The following SINHCAF variants were observed in gnomAD, a reference collection of about 807,000 sequenced individuals.
SINHCAF encodes SIN3-HDAC complex associated factor, also known as SIN3-HDAC complex-associated factor.
A neutral mutation model predicts 25.8 loss-of-function variants in SINHCAF; 3 were observed. That is an observed-to-expected ratio of 0.12 (90% CI 0.05 to 0.30). SINHCAF has a LOEUF of 0.30. SINHCAF is among the 10% of genes least tolerant of loss of function. The probability of loss-of-function intolerance (pLI) is 1.00; values close to 1 mark genes in which losing one functional copy is unlikely to be tolerated. For missense variants in SINHCAF, 121 were observed against 262.3 expected (o/e 0.46, Z 3.72); for synonymous variants, 70 against 85.5 (o/e 0.82, Z 1.00).
chr12:31,311,198 T>A (rs1168687795), intron 1 of SINHCAF, among the ~76,000 whole-genome samples: 4 of 152,178 alleles, frequency 2.6e-5, no homozygotes, highest in African/African-American at 9.7e-5. Context: ...AAGCTGCTCA[T>A]ACCCACGCGT....
intron 1 of SINHCAF, among the ~76,000 whole-genome samples, chr12:31,305,360 G>A (rs1022377731): frequency 1.3e-5 from 2 of 152,160 alleles, no homozygotes; most frequent in African/African-American, 4.8e-5. Flanking sequence ...ATGAGCTGGT[G>A]AACAAGTCCC....
intron 5 of SINHCAF, among the ~76,000 whole-genome samples, chr12:31,285,526 T>C (rs1385454897): frequency 6.7e-6 from 1 of 148,618 alleles, no homozygotes; most frequent in East Asian, 2.1e-4. Context: ...GATATTTTAC[T>C]ACATTATTTT....
At chr12:31,302,960 C>A (rs1938868699) in intron 1 of SINHCAF, 1 of 985,230 alleles carries the variant, frequency 1.0e-6, no homozygotes, top group Admixed American at 6.1e-5. Flanking sequence ...CAAACTGCAG[C>A]CATCTTGGCT....
Position 31,325,104 on chromosome 12 carries a change from C to G in SINHCAF, c.-21+920G>C, listed in dbSNP as rs2137151454. The G allele has an allele frequency of 4.4e-6, 2 of 456,736 alleles. No homozygotes were observed. The highest frequency in any genetic ancestry group is 2.0e-5 in the African/African-American group (1 of 50,218). 28.3% of individuals were successfully genotyped at this position (456,736 alleles called of 1,614,324 possible). A position where few individuals can be genotyped will look rare whatever the true frequency, so the allele number is the denominator to read the frequency against. On this transcript the variant is annotated intron_variant, in intron 1 of 5. Coordinates refer to ENST00000337682, the MANE Select transcript of SINHCAF (RefSeq NM_001135812.2). This position sits in a 1 kb window ranked among gnomAD's most constrained non-coding sequence, Gnocchi z 5.9. Reference sequence around the variant, plus strand: ...AGTTCACTGACTCCCGCGGCGTACACAACGCCGCCGCCTCCATCTCCAGCC... The same window carrying G: ...AGTTCACTGACTCCCGCGGCGTACAGAACGCCGCCGCCTCCATCTCCAGCC...
intron 1 of SINHCAF, among the ~76,000 whole-genome samples, chr12:31,302,070 A>T (rs1266453481): frequency 6.6e-6 from 1 of 152,198 alleles, no homozygotes; most frequent in Non-Finnish European, 1.5e-5. Flanking sequence ...ACTATGTTTT[A>T]AAGGAAGAAA....
At chr12:31,292,900 A>G (rs1209642917) in intron 4 of SINHCAF, among the ~76,000 whole-genome samples, 1 of 152,200 alleles carries the variant, frequency 6.6e-6, no homozygotes, top group Non-Finnish European at 1.5e-5. Flanking sequence ...AGGGCCCTAT[A>G]GATTTTTTAA....
At position 31,318,999 on chromosome 12, in the gene SINHCAF, T is replaced by C. The variant is rs76710869; in HGVS notation, c.-21+7025A>G. On this transcript the variant is annotated intron_variant, in intron 1 of 5. Coordinates refer to ENST00000337682, the MANE Select transcript of SINHCAF (RefSeq NM_001135812.2). ...ACAACAAATTTAACTGAAGGTAAAA[T>C]TCTGATTACTAAAGATTTTCTTTTA... 9.0e-3 allele frequency among the ~76,000 whole-genome samples: 1,371 copies of C among 152,288 alleles called. 10 individuals carry two copies. The highest frequency in any genetic ancestry group is 0.037 in the East Asian group (191 of 5,184).
chr12:31,284,910 A>C (rs1413553782), intron 5 of SINHCAF, among the ~76,000 whole-genome samples: 3 of 152,094 alleles, frequency 2.0e-5, no homozygotes, highest in African/African-American at 7.2e-5. Flanking sequence ...TTTTCTTCTG[A>C]AGATGCCTAT....
chr12:31,321,304 G>A, intron 1 of SINHCAF, among the ~76,000 whole-genome samples: 1 of 152,144 alleles, frequency 6.6e-6, no homozygotes, highest in East Asian at 1.9e-4. Context: ...GTTTCCGCAG[G>A]ACTTTCTGAT....
rs1395778911 is a variant in SINHCAF, at chr12:31,282,561, G to A, written c.*151C>T. The A allele has an allele frequency of 7.2e-6, 4 of 552,578 alleles. No individual in the cohort carries two copies. Among genetic ancestry groups the A allele is most frequent in the Non-Finnish European group, 9.2e-6 (3 of 326,114 alleles). The allele number at this position is 552,578 out of a possible 1,614,324, so 34.2% of individuals were successfully genotyped here. On this transcript the variant is annotated 3_prime_UTR_variant, in exon 6 of 6. Coordinates refer to ENST00000337682, the MANE Select transcript of SINHCAF (RefSeq NM_001135812.2). ...CACTTGAACCCGGGAGACGGAAGTTGCAGTGAGCCAAGATCACGCCACTGC... is the reference window on the plus strand; with the variant it reads ...CACTTGAACCCGGGAGACGGAAGTTACAGTGAGCCAAGATCACGCCACTGC...
At chr12:31,294,010 T>C in intron 3 of SINHCAF, 79 bp from the exon 4 acceptor site, 2 of 1,153,068 alleles carry the variant, frequency 1.7e-6, no homozygotes, top group Non-Finnish European at 1.2e-6. Context: ...CCGTGCCTAT[T>C]TGAGAACCAC....
chr12:31,319,670 T>A (rs1939624894), intron 1 of SINHCAF, among the ~76,000 whole-genome samples: 2 of 152,162 alleles, frequency 1.3e-5, no homozygotes, highest in African/African-American at 4.8e-5. Flanking sequence ...TCTCTTTTTT[T>A]CCTCTTACAT....
intron 1 of SINHCAF, among the ~76,000 whole-genome samples, chr12:31,309,277 A>G (rs1373116150): frequency 6.6e-6 from 1 of 151,982 alleles, no homozygotes; most frequent in Non-Finnish European, 1.5e-5. Flanking sequence ...TCCCCTTCCC[A>G]TTTGGTTCCT....
At position 31,285,416 on chromosome 12, in the gene SINHCAF, C is replaced by CATAT. The variant is rs572248741; in HGVS notation, c.506+2217_506+2218insATAT. 6.9e-3 allele frequency among the ~76,000 whole-genome samples: 818 copies of CATAT among 119,376 alleles called. 11 individuals carry two copies. Among genetic ancestry groups the CATAT allele is most frequent in the African/African-American group, 0.026 (766 of 29,422 alleles). 78.3% of individuals were successfully genotyped at this position (119,376 alleles called of 152,430 possible). A position where few individuals can be genotyped will look rare whatever the true frequency, so the allele number is the denominator to read the frequency against. On this transcript the variant is annotated intron_variant, in intron 5 of 5. Coordinates refer to ENST00000337682, the MANE Select transcript of SINHCAF (RefSeq NM_001135812.2). Reference sequence around the variant, plus strand: ...ACATAGACATATATTTATATATATACATACACACACACACACACACACACA... The same window carrying CATAT: ...ACATAGACATATATTTATATATATACATATATACACACACACACACACACACACA...
chr12:31,284,726 C>T (rs2137067598), intron 5 of SINHCAF, among the ~76,000 whole-genome samples: 1 of 152,270 alleles, frequency 6.6e-6, no homozygotes, highest in Middle Eastern at 3.4e-3. Flanking sequence ...CCACCAATCA[C>T]CCCCACATCA....
intron 1 of SINHCAF, chr12:31,303,064 C>A: frequency 1.0e-6 from 1 of 985,028 alleles, no homozygotes; most frequent in East Asian, 1.1e-4. Context: ...AAAAAAAAAT[C>A]ATTTCAAGAT....
At chr12:31,300,878 A>C (rs935144984) in intron 1 of SINHCAF, among the ~76,000 whole-genome samples, 1 of 152,220 alleles carries the variant, frequency 6.6e-6, no homozygotes, top group South Asian at 2.1e-4. Context: ...TAACTCTTGG[A>C]AACTTCAGCC....
chr12:31,303,204 G>A, intron 1 of SINHCAF: 1 of 985,432 alleles, frequency 1.0e-6, no homozygotes, highest in South Asian at 4.7e-5. Flanking sequence ...AGAAGAGGCT[G>A]TGTCAACCCA....
Position 31,324,860 on chromosome 12 carries a change from G to GT in SINHCAF, c.-21+1163dup, listed in dbSNP as rs1320729924. On this transcript the variant is annotated intron_variant, in intron 1 of 5. Coordinates refer to ENST00000337682, the MANE Select transcript of SINHCAF (RefSeq NM_001135812.2). This position sits in a 1 kb window ranked among gnomAD's most constrained non-coding sequence, Gnocchi z 5.5. ...GTGTCCTTGATGAGAAACGCCCGGA[G>GT]TATCCGCCCCGCACGGGCGGAGAGT... 2 of 421,116 alleles carry GT rather than the reference G, an allele frequency of 4.7e-6. No homozygotes were observed. The highest frequency in any genetic ancestry group is 9.6e-6 in the Non-Finnish European group (2 of 208,008). The allele number at this position is 421,116 out of a possible 1,614,324, so 26.1% of individuals were successfully genotyped here. A position where few individuals can be genotyped will look rare whatever the true frequency, so the allele number is the denominator to read the frequency against.
Sources: gnomAD v4.1 joint callset for allele counts (sites outside exome capture counted in the v4.1 genomes callset) on GRCh38, gnomAD v4.1.1 for gene constraint, Gnocchi (gnomAD v3.1) non-coding constraint, MANE v1.5 for transcripts, NCBI Gene and HGNC (gene_info 2026-07-23, HGNC 2026-07-21) for gene names.